The following RADIL variants were observed in gnomAD, a reference collection of about 807,000 sequenced individuals.
The protein encoded by RADIL is Rap associating with DIL domain.
A neutral mutation model predicts 97.6 loss-of-function variants in RADIL; 99 were observed. The observed-to-expected ratio is 1.01, with a 90% CI of 0.86 to 1.20. RADIL has a LOEUF of 1.20. Among genes scored for constraint, RADIL ranks in the 50% most tolerant of loss-of-function variants. RADIL has a pLI of 0.00. For synonymous variants in RADIL, 803 were observed against 691.8 expected (o/e 1.16, Z -2.52); for missense variants, 1,765 against 1,498.9 (o/e 1.18, Z -2.93).
At chr7:4,858,325 T>C (rs1384572625) in intron 2 of RADIL, 3 of 152,236 alleles carry the variant, frequency 2.0e-5, no homozygotes, top group Non-Finnish European at 1.5e-5. Flanking sequence ...TTAAGTTTGC[T>C]GTCTAGATTA....
chr7:4,829,868 T>C (rs1180012495), intron 5 of RADIL, among the ~76,000 whole-genome samples: 1 of 152,168 alleles, frequency 6.6e-6, no homozygotes, highest in Admixed American at 6.5e-5. Context: ...ATTAAACCTG[T>C]TTCCTTTATA....
chr7:4,845,095 T>C (rs1368891794), intron 2 of RADIL, among the ~76,000 whole-genome samples: 1 of 151,924 alleles, frequency 6.6e-6, no homozygotes, highest in African/African-American at 2.4e-5. Context: ...AAAATTATAT[T>C]TACAGAATAC....
rs940213877 is a variant in RADIL, at chr7:4,880,299, C to T, written c.-64-2096G>A. 5.3e-5 allele frequency among the ~76,000 whole-genome samples: 8 copies of T among 152,160 alleles called. No homozygotes were observed. Among genetic ancestry groups the T allele is most frequent in the African/African-American group, 1.7e-4 (7 of 41,428 alleles). On this transcript the variant is annotated intron_variant, in intron 1 of 14. Transcript: ENST00000399583. This position sits in a 1 kb window ranked among gnomAD's most constrained non-coding sequence, Gnocchi z 4.5. ...AAATCCTAAGAAGCTCAGAGCCGGC[C>T]GCAGCTTCCCCCACGGACTCATCAA...
intron 11 of RADIL, 49 bp downstream of exon 11, chr7:4,803,497 C>T (rs1782186988): frequency 1.4e-6 from 2 of 1,454,550 alleles, no homozygotes; most frequent in Non-Finnish European, 1.8e-6. Context: ...TGGGTCCCCT[C>T]CCCGGGCACC....
At chr7:4,866,107 A>T (rs1275064445) in intron 2 of RADIL, among the ~76,000 whole-genome samples, 1 of 152,076 alleles carries the variant, frequency 6.6e-6, no homozygotes, top group Admixed American at 6.6e-5. Flanking sequence ...ATGTTTTTTG[A>T]GTGATTATAT....
chr7:4,874,858 G>C (rs1303728381), intron 2 of RADIL, among the ~76,000 whole-genome samples: 2 of 152,200 alleles, frequency 1.3e-5, no homozygotes, highest in East Asian at 1.9e-4. Flanking sequence ...CGGAGTTCGA[G>C]ACCAGCCTGG....
In RADIL at chr7:4,867,603, G is replaced by A. The variant is rs1784158526; in HGVS notation, c.535+10002C>T. Among the ~76,000 whole-genome samples, 1 of 151,752 alleles carries A rather than the reference G, an allele frequency of 6.6e-6. No homozygotes were observed. The highest frequency in any genetic ancestry group is 6.6e-5 in the Admixed American group (1 of 15,256). On this transcript the variant is annotated intron_variant, in intron 2 of 14. Coordinates refer to ENST00000399583, the MANE Select transcript of RADIL (RefSeq NM_018059.5). This position sits in a 1 kb window ranked among gnomAD's most constrained non-coding sequence, Gnocchi z 4.1. ...TGAGACCAGTCTGGCAACATAGTGA[G>A]GCCCTGTCTCTATTTTTAAAATAAA...
At position 4,815,439 on chromosome 7, in the gene RADIL, T is replaced by C. The variant is rs895599596; in HGVS notation, c.1978A>G (p.Ser660Gly). Residue 660 changes from serine to glycine, a missense_variant, in exon 9 of 15, where the codon AGC (serine) becomes GGC (glycine). Coordinates refer to ENST00000399583, the MANE Select transcript of RADIL (RefSeq NM_018059.5). The surrounding 1 kb of genome is among the most constrained non-coding windows in gnomAD (Gnocchi z 8.0). ...ACACCTCTGGGCCAGTGGAAGCAGC[T>C]CAGGGAGGGGCCTGTGGAGGGAAGA... is the stretch of plus-strand genomic sequence containing the variant. ...NQLLDRGPSL[S>G]CFHWPRGVQA... 7.9e-6 allele frequency: 12 copies of C among 1,527,142 alleles called. No individual in the cohort carries two copies. The highest frequency in any genetic ancestry group is 8.8e-6 in the Non-Finnish European group (10 of 1,133,990). The allele number at this position is 1,527,142 out of a possible 1,614,324, so 94.6% of individuals were successfully genotyped here. A position where few individuals can be genotyped will look rare whatever the true frequency, so the allele number is the denominator to read the frequency against.
At position 4,852,605 on chromosome 7, in the gene RADIL, T is replaced by C. The variant is rs553797428; in HGVS notation, c.536-16000A>G. ...CTGGGAACACAGGTGTGTGACACCA[T>C]GCCTGACTAATTTTTTATTTTTTGT... On this transcript the variant is annotated intron_variant, in intron 2 of 14. Coordinates refer to ENST00000399583, the MANE Select transcript of RADIL (RefSeq NM_018059.5). Among the ~76,000 whole-genome samples the C allele has an allele frequency of 3.9e-5, 6 of 152,334 alleles. No homozygotes were observed. In the South Asian group the frequency reaches 6.2e-4, roughly 16 times the overall value.
In RADIL at chr7:4,873,238, TGA is replaced by T. The variant is rs1784295336; in HGVS notation, c.535+4365_535+4366del. On this transcript the variant is annotated intron_variant, in intron 2 of 14. Transcript: ENST00000399583. This position sits in a 1 kb window ranked among gnomAD's most constrained non-coding sequence, Gnocchi z 4.3. ...GTGAGCCACCGCGCCCGGCCAAGTGTGACTCTTACCATAGGAGTAATGGGAAA... is the reference window on the plus strand; with the variant it reads ...GTGAGCCACCGCGCCCGGCCAAGTGTCTCTTACCATAGGAGTAATGGGAAA... 6.6e-6 allele frequency among the ~76,000 whole-genome samples: 1 copy of T among 152,150 alleles called. No individual in the cohort carries two copies. The highest frequency in any genetic ancestry group is 1.5e-5 in the Non-Finnish European group (1 of 68,024).
chr7:4,871,421 G>T (rs899903182), intron 2 of RADIL, among the ~76,000 whole-genome samples: 1 of 152,210 alleles, frequency 6.6e-6, no homozygotes, highest in Non-Finnish European at 1.5e-5. Flanking sequence ...CAGTCCCTGC[G>T]GCCCGCACAC....
intron 13 of RADIL, among the ~76,000 whole-genome samples, 171 bp downstream of exon 13, chr7:4,800,000 G>T (rs939763146): frequency 5.3e-5 from 8 of 152,176 alleles, no homozygotes; most frequent in Non-Finnish European, 4.4e-5. Context: ...CCCAGGGGGC[G>T]TGGCCGTTGG....
chr7:4,801,542 G>T, intron 12 of RADIL, 111 bp downstream of exon 12: 2 of 1,179,844 alleles, frequency 1.7e-6, no homozygotes, highest in Non-Finnish European at 2.3e-6. Context: ...TGTCTGTGGG[G>T]CAGGTAAGGA....
At chr7:4,826,664 C>T (rs1021222661) in intron 5 of RADIL, among the ~76,000 whole-genome samples, 3 of 147,832 alleles carry the variant, frequency 2.0e-5, no homozygotes, top group Admixed American at 6.9e-5. Context: ...ACCCAGGAGG[C>T]GGAGGTTGCA....
At position 4,854,648 on chromosome 7, in the gene RADIL, G is replaced by A. The variant is rs2115024807; in HGVS notation, c.536-18043C>T. On this transcript the variant is annotated intron_variant, in intron 2 of 14. Transcript: ENST00000399583. This position sits in a 1 kb window ranked among gnomAD's most constrained non-coding sequence, Gnocchi z 5.1. ...GGCAAAGGTTGCAGTGAGCCGAGAT[G>A]GCGCCACCGCACTCCACCCTGGGCG... Among the ~76,000 whole-genome samples, 1 of 152,156 alleles carries A rather than the reference G, an allele frequency of 6.6e-6. No homozygotes were observed. Among genetic ancestry groups the A allele is most frequent in the Non-Finnish European group, 1.5e-5 (1 of 67,996 alleles).
chr7:4,853,118 T>C (rs1237838557), intron 2 of RADIL, among the ~76,000 whole-genome samples: 1 of 152,094 alleles, frequency 6.6e-6, no homozygotes, highest in Admixed American at 6.6e-5. Flanking sequence ...TGCATGTGGG[T>C]GTAGCTATGG....
Position 4,818,682 on chromosome 7 carries a change from G to A in RADIL, c.1616-1331C>T, listed in dbSNP as rs142001684. Among the ~76,000 whole-genome samples the A allele has an allele frequency of 2.4e-3, 365 of 152,268 alleles. 2 individuals are homozygous for A. The highest frequency in any genetic ancestry group is 8.3e-3 in the East Asian group (43 of 5,174). ...AAGGATATTCACAGCCACGGCAGGC[G>A]GGTCAGGAGGCTGAGCTCTGTCCCG... On this transcript the variant is annotated intron_variant, in intron 6 of 14. Coordinates refer to ENST00000399583, the MANE Select transcript of RADIL (RefSeq NM_018059.5). This position sits in a 1 kb window ranked among gnomAD's most constrained non-coding sequence, Gnocchi z 7.1.
intron 10 of RADIL, among the ~76,000 whole-genome samples, chr7:4,804,968 C>T (rs967357036): frequency 1.3e-5 from 2 of 151,872 alleles, no homozygotes; most frequent in Admixed American, 6.6e-5. Flanking sequence ...GTGGCGGACA[C>T]CTGTAATCCC....
In RADIL at chr7:4,817,311, G is replaced by C. The variant is rs915031122; in HGVS notation, c.1656C>G (p.Ser552Arg). 1 of 1,612,520 alleles carries C rather than the reference G, an allele frequency of 6.2e-7. No individual in the cohort carries two copies. Among genetic ancestry groups the C allele is most frequent in the East Asian group, 2.2e-5 (1 of 44,868 alleles). Residue 552 changes from serine (S) to arginine (R), a missense_variant, in exon 7 of 15, where the codon AGC becomes AGG. By Grantham distance (110) the Ser-to-Arg change is moderately radical (BLOSUM62 -1). Transcript: ENST00000399583. This position sits in a 1 kb window ranked among gnomAD's most constrained non-coding sequence, Gnocchi z 8.3. ...ESLFSCTLTA[S>R]EEAMAVLEEV... Reference sequence around the variant, plus strand: ...CCTCCAGCACCGCCATGGCCTCCTCGCTGGCCGTCAGCGTGCAGGAGAACA... The same window carrying C: ...CCTCCAGCACCGCCATGGCCTCCTCCCTGGCCGTCAGCGTGCAGGAGAACA...
Sources: gnomAD v4.1 joint callset for allele counts (sites outside exome capture counted in the v4.1 genomes callset) on GRCh38, gnomAD v4.1.1 for gene constraint, Gnocchi (gnomAD v3.1) non-coding constraint, MANE v1.5 for transcripts, NCBI Gene and HGNC (gene_info 2026-07-23, HGNC 2026-07-21) for gene names.